Variants in RGL1 observed in about 807,000 individuals in gnomAD.
RGL1 encodes the protein ral guanine nucleotide dissociation stimulator-like 1.
A neutral mutation model predicts 95.2 loss-of-function variants in RGL1; 24 were observed. The ratio of observed to expected loss-of-function variants is 0.25; its 90% CI spans 0.18 to 0.35. The LOEUF (loss-of-function observed/expected upper bound fraction) is 0.35, where lower values mean the gene tolerates loss of function less well. RGL1 is among the 10% of genes least tolerant of loss of function. RGL1 has a pLI of 1.00. For synonymous variants in RGL1, 329 were observed against 344.9 expected (o/e 0.95, Z 0.51); for missense variants, 715 against 936.3 (o/e 0.76, Z 3.08).
At chr1:183,738,042 A>G (rs1260273622) in intron 1 of RGL1, among the ~76,000 whole-genome samples, 1 of 152,192 alleles carries the variant, frequency 6.6e-6, no homozygotes, top group Non-Finnish European at 1.5e-5. Flanking sequence ...GTGATTTCAT[A>G]TTATCTGATG....
intron 2 of RGL1, among the ~76,000 whole-genome samples, chr1:183,758,330 G>C (rs1216762969): frequency 6.6e-6 from 1 of 151,986 alleles, no homozygotes; most frequent in African/African-American, 2.4e-5. Context: ...CAGAGTAGCT[G>C]GGACTACGGG....
At chr1:183,771,867 G>T (rs1659290791) in intron 2 of RGL1, among the ~76,000 whole-genome samples, 1 of 152,204 alleles carries the variant, frequency 6.6e-6, no homozygotes, top group Non-Finnish European at 1.5e-5. Context: ...GACAGAAGTG[G>T]CTGGACGTGG....
intron 4 of RGL1, among the ~76,000 whole-genome samples, chr1:183,870,028 C>T (rs1666070834): frequency 6.6e-6 from 1 of 152,178 alleles, no homozygotes; most frequent in Non-Finnish European, 1.5e-5. Context: ...TGCTGCTAAA[C>T]GTCCTAGCAT....
At chr1:183,641,244 C>T (rs1649902548) in intron 1 of RGL1, among the ~76,000 whole-genome samples, 1 of 152,180 alleles carries the variant, frequency 6.6e-6, no homozygotes. Context: ...AAGCCATCCT[C>T]CCACCTCAGC....
intron 14 of RGL1, among the ~76,000 whole-genome samples, chr1:183,908,029 A>AAT (rs754463116): frequency 5.7e-3 from 864 of 151,356 alleles, no homozygotes; most frequent in Middle Eastern, 0.027. Context: ...AACAACAACA[A>AAT]ATATATATAT....
intron 1 of RGL1, among the ~76,000 whole-genome samples, chr1:183,657,140 T>C (rs1651228041): frequency 6.6e-6 from 1 of 152,198 alleles, no homozygotes; most frequent in Non-Finnish European, 1.5e-5. Context: ...TAAATCTGTA[T>C]AGCACTTTAG....
At chr1:183,893,451 T>C (rs1667531210) in intron 9 of RGL1, among the ~76,000 whole-genome samples, 1 of 152,208 alleles carries the variant, frequency 6.6e-6, no homozygotes, top group Non-Finnish European at 1.5e-5. Context: ...TATATTCATG[T>C]AAAACCAAAG....
chr1:183,920,767 T>TA (rs1305877058), intron 16 of RGL1, among the ~76,000 whole-genome samples: 1 of 152,262 alleles, frequency 6.6e-6, no homozygotes, highest in African/African-American at 2.4e-5. Context: ...TTTTCCCTTG[T>TA]AAATGAATAT....
intron 2 of RGL1, among the ~76,000 whole-genome samples, chr1:183,785,086 C>A (rs1214522618): frequency 6.6e-6 from 1 of 152,148 alleles, no homozygotes; most frequent in Non-Finnish European, 1.5e-5. Flanking sequence ...ATCCTTTCTC[C>A]ATATTGCGGT....
chr1:183,681,248 G>A (rs956938590), intron 1 of RGL1, among the ~76,000 whole-genome samples: 1 of 152,142 alleles, frequency 6.6e-6, no homozygotes, highest in Non-Finnish European at 1.5e-5. Flanking sequence ...TCCTTGTCTT[G>A]TGCCTGTTTT....
chr1:183,704,515 A>G (rs1397972111), intron 1 of RGL1, among the ~76,000 whole-genome samples: 1 of 152,132 alleles, frequency 6.6e-6, no homozygotes, highest in Non-Finnish European at 1.5e-5. Context: ...TCCTTGATGT[A>G]GGAAGGAGCT....
chr1:183,833,225 A>T (rs1663384488), intron 2 of RGL1, among the ~76,000 whole-genome samples: 1 of 152,246 alleles, frequency 6.6e-6, no homozygotes, highest in Non-Finnish European at 1.5e-5. Context: ...GAAGATGAAG[A>T]TAATATTCTT....
intron 1 of RGL1, among the ~76,000 whole-genome samples, chr1:183,659,734 C>A (rs1390519732): frequency 6.6e-6 from 1 of 151,340 alleles, no homozygotes; most frequent in South Asian, 2.1e-4. Flanking sequence ...TCGAGAAGAG[C>A]AACTCCAAGA....
intron 8 of RGL1, among the ~76,000 whole-genome samples, chr1:183,890,619 A>G (rs1343492869): frequency 6.6e-6 from 1 of 152,176 alleles, no homozygotes; most frequent in Non-Finnish European, 1.5e-5. Flanking sequence ...ACAGTGGAAT[A>G]TTTTGCAGGC....
At chr1:183,886,783 C>T (rs978091622) in intron 7 of RGL1, among the ~76,000 whole-genome samples, 9 of 151,958 alleles carry the variant, frequency 5.9e-5, no homozygotes, top group Non-Finnish European at 1.0e-4. Flanking sequence ...CTGCATTCAT[C>T]GTAGTCAATT....
intron 16 of RGL1, among the ~76,000 whole-genome samples, chr1:183,919,629 A>T (rs1479097250): frequency 6.6e-6 from 1 of 152,196 alleles, no homozygotes; most frequent in Non-Finnish European, 1.5e-5. Flanking sequence ...AAGAGACAGC[A>T]ATTAGCCCTT....
intron 1 of RGL1, among the ~76,000 whole-genome samples, chr1:183,703,109 G>A (rs933807711): frequency 6.6e-6 from 1 of 152,166 alleles, no homozygotes; most frequent in Non-Finnish European, 1.5e-5. Flanking sequence ...CTAGGCCTCA[G>A]AAGTGAGGAG....
intron 3 of RGL1, among the ~76,000 whole-genome samples, chr1:183,850,097 G>T (rs1158398895): frequency 2.0e-5 from 3 of 152,004 alleles, no homozygotes; most frequent in Non-Finnish European, 4.4e-5. Flanking sequence ...TCTTGTTTTT[G>T]AATTTGTGCT....
intron 1 of RGL1, among the ~76,000 whole-genome samples, chr1:183,664,714 C>A (rs1651911793): frequency 6.6e-6 from 1 of 151,776 alleles, no homozygotes; most frequent in African/African-American, 2.4e-5. Flanking sequence ...AAGCTAAGGA[C>A]AAGAAAAAAA....
Sources: gnomAD v4.1 joint callset for allele counts (sites outside exome capture counted in the v4.1 genomes callset) on GRCh38, gnomAD v4.1.1 for gene constraint, MANE v1.5 for transcripts, NCBI Gene and HGNC (gene_info 2026-07-23, HGNC 2026-07-21) for gene names.